The following DISP1 variants were observed in gnomAD, a reference collection of about 807,000 sequenced individuals.
The protein encoded by DISP1 is protein dispatched homolog 1.
In DISP1, 30 loss-of-function variants were observed where a neutral mutation model predicts 37.3. That is an observed-to-expected ratio of 0.80 (90% CI 0.60 to 1.09). The LOEUF (loss-of-function observed/expected upper bound fraction) is 1.09, where lower values mean the gene tolerates loss of function less well. DISP1 is among the 50% of genes least tolerant of loss of function. The probability of loss-of-function intolerance (pLI) is 0.00; values close to 1 mark genes in which losing one functional copy is unlikely to be tolerated. For synonymous variants in DISP1, 634 were observed against 690.2 expected (o/e 0.92, Z 1.28); for missense variants, 1,598 against 1,879.5 (o/e 0.85, Z 2.77).
At chr1:222,944,489 G>C (rs766972627) in intron 3 of DISP1, among the ~76,000 whole-genome samples, 2 of 151,906 alleles carry the variant, frequency 1.3e-5, no homozygotes, top group Non-Finnish European at 2.9e-5. Context: ...TTAAAATTAG[G>C]GTATAATTTA....
At position 223,004,750 on chromosome 1, in the gene DISP1, T is replaced by A. The variant is rs774444607; in HGVS notation, c.3353T>A (p.Ile1118Asn). 3.1e-6 allele frequency: 5 copies of A among 1,613,814 alleles called. No individual in the cohort carries two copies. In the South Asian group the frequency reaches 5.5e-5, roughly 18 times the overall value. Residue 1118 changes from isoleucine (I) to asparagine (N), a missense_variant, in exon 9 of 9, where the codon ATC becomes AAC. By Grantham distance (149) the Ile-to-Asn change is moderately radical. Transcript: ENST00000675850. This position sits in a 1 kb window ranked among gnomAD's most constrained non-coding sequence, Gnocchi z 4.9. Reference protein sequence around the residue: ...LGTFMMLIMCISWAFATFFFQ... With the variant: ...LGTFMMLIMCNSWAFATFFFQ... ...ACCTTCATGATGCTCATCATGTGTA[T>A]CAGTTGGGCTTTCGCCACCTTCTTT...
chr1:222,844,717 A>G (rs1396191224), intron 1 of DISP1, among the ~76,000 whole-genome samples: 2 of 152,272 alleles, frequency 1.3e-5, no homozygotes, highest in Admixed American at 1.3e-4. Flanking sequence ...TTCTCAATAC[A>G]AAAAATGCGT....
At chr1:222,833,703 G>A (rs568299515) in intron 1 of DISP1, among the ~76,000 whole-genome samples, 25 of 152,280 alleles carry the variant, frequency 1.6e-4, no homozygotes, top group African/African-American at 6.0e-4. Flanking sequence ...CAGATGTTAT[G>A]CACTGAGCTC....
chr1:222,911,503 T>C (rs1156703052), intron 1 of DISP1, among the ~76,000 whole-genome samples: 1 of 151,956 alleles, frequency 6.6e-6, no homozygotes, highest in Non-Finnish European at 1.5e-5. Flanking sequence ...TTTTTTGGCT[T>C]TTAATTTTTT....
chr1:222,838,760 G>A (rs943343439), intron 1 of DISP1, among the ~76,000 whole-genome samples: 4 of 152,224 alleles, frequency 2.6e-5, no homozygotes, highest in Non-Finnish European at 5.9e-5. Flanking sequence ...AACAGAGTGA[G>A]ACTGTGTCTC....
intron 4 of DISP1, among the ~76,000 whole-genome samples, chr1:222,988,042 G>A (rs1010629286): frequency 6.6e-6 from 1 of 152,194 alleles, no homozygotes; most frequent in Non-Finnish European, 1.5e-5. Flanking sequence ...CTAGAAGTGT[G>A]AAAGCTTCTA....
chr1:222,938,759 AAAAGGAAGG>A (rs1674157428), intron 2 of DISP1, among the ~76,000 whole-genome samples: 1 of 102,364 alleles, frequency 9.8e-6, no homozygotes, highest in Non-Finnish European at 2.0e-5. Flanking sequence ...AAAAAAAAAA[AAAAGGAAGG>A]AAGGAAGGAA....
chr1:222,933,673 C>T (rs1473458659), intron 2 of DISP1, among the ~76,000 whole-genome samples: 2 of 151,754 alleles, frequency 1.3e-5, no homozygotes, highest in Admixed American at 6.6e-5. Context: ...TTTGTATAGG[C>T]CTTTGCAATA....
intron 3 of DISP1, among the ~76,000 whole-genome samples, chr1:222,949,063 T>G (rs1041644805): frequency 6.9e-6 from 1 of 144,014 alleles, no homozygotes; most frequent in African/African-American, 2.5e-5. Flanking sequence ...CATCTGTGTG[T>G]TTTTTTTAAA....
At chr1:222,856,855 C>T (rs188631743) in intron 1 of DISP1, among the ~76,000 whole-genome samples, 1 of 152,014 alleles carries the variant, frequency 6.6e-6, no homozygotes, top group Admixed American at 6.5e-5. Context: ...AGGTGCATGC[C>T]ACCATGCCTG....
At chr1:222,844,797 G>A (rs1667809265) in intron 1 of DISP1, among the ~76,000 whole-genome samples, 1 of 152,114 alleles carries the variant, frequency 6.6e-6, no homozygotes, top group Non-Finnish European at 1.5e-5. Context: ...ATTGATAATT[G>A]TATTTCTGTG....
At chr1:222,985,518 C>T (rs1240372314) in intron 4 of DISP1, among the ~76,000 whole-genome samples, 4 of 152,078 alleles carry the variant, frequency 2.6e-5, no homozygotes, top group East Asian at 1.9e-4. Context: ...GGCATGGTGG[C>T]GGGTGCCTGG....
chr1:222,818,495 C>G (rs370041764), intron 1 of DISP1, among the ~76,000 whole-genome samples: 1 of 152,008 alleles, frequency 6.6e-6, no homozygotes, highest in African/African-American at 2.4e-5. Context: ...TATGGTTCTC[C>G]GGAGAAACAG....
At chr1:222,883,224 TA>T (rs987649697) in intron 1 of DISP1, among the ~76,000 whole-genome samples, 55 of 151,668 alleles carry the variant, frequency 3.6e-4, no homozygotes, top group Non-Finnish European at 5.3e-4. Flanking sequence ...AAATTAATCC[TA>T]AAAAAAAATT....
At chr1:222,858,752 T>C (rs1668701949) in intron 1 of DISP1, among the ~76,000 whole-genome samples, 1 of 152,170 alleles carries the variant, frequency 6.6e-6, no homozygotes, top group Non-Finnish European at 1.5e-5. Flanking sequence ...CACTGATCAT[T>C]AGAGGAATGC....
At chr1:222,875,497 A>C (rs1476304309) in intron 1 of DISP1, among the ~76,000 whole-genome samples, 1 of 151,770 alleles carries the variant, frequency 6.6e-6, no homozygotes, top group Non-Finnish European at 1.5e-5. Context: ...GACCTTTGAA[A>C]GGGACAAAGA....
intron 3 of DISP1, among the ~76,000 whole-genome samples, chr1:222,954,640 T>C (rs1189692785): frequency 6.6e-6 from 1 of 152,044 alleles, no homozygotes; most frequent in East Asian, 1.9e-4. Context: ...TAGAGGGTTA[T>C]GTGAGTCCTA....
At chr1:222,931,730 C>A (rs549405545) in intron 2 of DISP1, among the ~76,000 whole-genome samples, 5 of 146,254 alleles carry the variant, frequency 3.4e-5, no homozygotes, top group Non-Finnish European at 7.5e-5. Flanking sequence ...GGAACATGCT[C>A]TTTTATTAGA....
chr1:222,854,423 T>C (rs1668443227), intron 1 of DISP1, among the ~76,000 whole-genome samples: 1 of 152,108 alleles, frequency 6.6e-6, no homozygotes, highest in Admixed American at 6.6e-5. Context: ...CATCAGATCT[T>C]GTGAGACTCA....
Sources: allele counts gnomAD v4.1 joint callset (sites outside exome capture counted in the v4.1 genomes callset), GRCh38; gene constraint gnomAD v4.1.1; non-coding constraint Gnocchi (gnomAD v3.1); transcripts MANE v1.5; gene names NCBI Gene and HGNC (gene_info 2026-07-23, HGNC 2026-07-21).